The following RALGAPA2 variants were observed in gnomAD, a reference collection of about 807,000 sequenced individuals.
RALGAPA2 encodes the protein ral GTPase-activating protein subunit alpha-2.
In RALGAPA2, 139 loss-of-function variants were observed where a neutral mutation model predicts 230.4. That is an observed-to-expected ratio of 0.60 (90% CI 0.53 to 0.69). The LOEUF (loss-of-function observed/expected upper bound fraction) is 0.69. Among genes scored for constraint, RALGAPA2 ranks in the 30% least tolerant of loss-of-function variants. The pLI, the probability that RALGAPA2 is intolerant of heterozygous loss-of-function variation, is 0.00. For synonymous variants in RALGAPA2, 847 were observed against 837.8 expected, an observed-to-expected ratio of 1.01 and a Z score of -0.19; for missense variants, 2,163 against 2,276.0, an observed-to-expected ratio of 0.95 and a Z score of 1.01.
At chr20:20,598,806 C>G (rs1332438465) in intron 16 of RALGAPA2, 7 of 456,286 alleles carry the variant, frequency 1.5e-5, no homozygotes, top group Non-Finnish European at 3.1e-5. Flanking sequence ...TGCTGATAGA[C>G]TGGCTTCGCT....
chr20:20,413,214 T>C (rs1256526034), intron 37 of RALGAPA2, among the ~76,000 whole-genome samples: 1 of 152,260 alleles, frequency 6.6e-6, no homozygotes, highest in Non-Finnish European at 1.5e-5. Context: ...AAAGTAACTC[T>C]AGCATTTCTC....
At chr20:20,397,921 G>A (rs562975509) in intron 38 of RALGAPA2, among the ~76,000 whole-genome samples, 15 of 152,248 alleles carry the variant, frequency 9.9e-5, no homozygotes, top group Non-Finnish European at 1.8e-4. Context: ...TCCAACCACC[G>A]TTAACACCGT....
At chr20:20,503,632 A>AT in intron 34 of RALGAPA2, 126 bp from the exon 35 acceptor site, 2 of 748,240 alleles carry the variant, frequency 2.7e-6, no homozygotes, top group Non-Finnish European at 3.8e-6. Flanking sequence ...CTGATTACAA[A>AT]CAAATGTAAT....
chr20:20,587,773 T>C (rs975182112), intron 18 of RALGAPA2, among the ~76,000 whole-genome samples: 3 of 151,816 alleles, frequency 2.0e-5, no homozygotes, highest in Non-Finnish European at 4.4e-5. Flanking sequence ...ATTCATACCA[T>C]ACAAAGAGCT....
At chr20:20,663,402 C>A (rs545808555) in intron 3 of RALGAPA2, among the ~76,000 whole-genome samples, 4 of 152,254 alleles carry the variant, frequency 2.6e-5, no homozygotes, top group African/African-American at 9.6e-5. Context: ...GCACAAATTT[C>A]TTTTTCCTTC....
At chr20:20,559,566 G>A (rs1448771761) in intron 23 of RALGAPA2, among the ~76,000 whole-genome samples, 1 of 152,160 alleles carries the variant, frequency 6.6e-6, no homozygotes, top group Non-Finnish European at 1.5e-5. Context: ...ACCTCTAAAT[G>A]GTGGACAAAT....
rs567173212 is a variant in RALGAPA2 at position 20,704,156 on chromosome 20, A to G, written c.106+8219T>C. Among the ~76,000 whole-genome samples, 37 of 152,170 alleles carry G rather than the reference A, an allele frequency of 2.4e-4. No individual in the cohort carries two copies. The South Asian group carries it at 7.5e-3, about 31-fold the overall frequency. ...AAGCCATGGTGTGAGAACTCCCTCC[A>G]TGTCCCCATCATCTAGCACCCCATT... On this transcript the variant is annotated intron_variant, in intron 1 of 39. Coordinates refer to ENST00000202677, the MANE Select transcript of RALGAPA2 (RefSeq NM_020343.4).
At chr20:20,479,452 G>T (rs1056134729) in intron 36 of RALGAPA2, among the ~76,000 whole-genome samples, 1 of 151,886 alleles carries the variant, frequency 6.6e-6, no homozygotes, top group Non-Finnish European at 1.5e-5. Flanking sequence ...GACCAAGTCG[G>T]GTATATCCCA....
intron 28 of RALGAPA2, among the ~76,000 whole-genome samples, chr20:20,525,665 C>T (rs1049969362): frequency 6.6e-5 from 10 of 152,162 alleles, no homozygotes; most frequent in East Asian, 1.9e-4. Context: ...TGGACACCTA[C>T]GGGAGTGAAG....
chr20:20,705,463 A>G (rs763066343), intron 1 of RALGAPA2, among the ~76,000 whole-genome samples: 1 of 152,094 alleles, frequency 6.6e-6, no homozygotes, highest in Non-Finnish European at 1.5e-5. Flanking sequence ...TAACCCTAGC[A>G]AAGTGTTGGG....
chr20:20,465,254 C>T (rs2061395413), intron 37 of RALGAPA2, among the ~76,000 whole-genome samples: 1 of 151,370 alleles, frequency 6.6e-6, no homozygotes, highest in Admixed American at 6.6e-5. Flanking sequence ...CTGGGAAAGC[C>T]AGCACTGTGG....
chr20:20,494,613 C>T (rs967382154), intron 36 of RALGAPA2, among the ~76,000 whole-genome samples: 9 of 152,208 alleles, frequency 5.9e-5, no homozygotes, highest in East Asian at 1.9e-4. Flanking sequence ...TCACGTGGGC[C>T]GTGCTCCAGA....
In RALGAPA2 at chr20:20,514,431, A is replaced by C. The variant is rs545659161; in HGVS notation, c.4085-1147T>G. 2.0e-5 allele frequency among the ~76,000 whole-genome samples: 3 copies of C among 152,158 alleles called. No homozygotes were observed. The South Asian group carries it at 6.2e-4, about 32-fold the overall frequency. On this transcript the variant is annotated intron_variant, in intron 31 of 39. Coordinates refer to ENST00000202677, the MANE Select transcript of RALGAPA2 (RefSeq NM_020343.4). ...CCTGCTTGCCTAGTTCAGCAGCCTG[A>C]GTCTCTCCATCCCTCCTCTGCCGAG...
intron 1 of RALGAPA2, among the ~76,000 whole-genome samples, chr20:20,696,922 G>T (rs941622991): frequency 6.6e-6 from 1 of 152,062 alleles, no homozygotes; most frequent in African/African-American, 2.4e-5. Context: ...GATTTTTAGA[G>T]ATGGGGTCTC....
intron 37 of RALGAPA2, among the ~76,000 whole-genome samples, chr20:20,426,870 T>C (rs1226345844): frequency 6.6e-6 from 1 of 152,210 alleles, no homozygotes; most frequent in Non-Finnish European, 1.5e-5. Flanking sequence ...AAGATGCCAA[T>C]GAAAATGATC....
chr20:20,642,706 C>G (rs1363257740), intron 5 of RALGAPA2, among the ~76,000 whole-genome samples: 2 of 151,674 alleles, frequency 1.3e-5, no homozygotes, highest in Non-Finnish European at 2.9e-5. Flanking sequence ...ATAAGAGGGA[C>G]AAAATATAGA....
chr20:20,604,535 T>C (rs540944425), intron 15 of RALGAPA2, among the ~76,000 whole-genome samples: 3 of 152,350 alleles, frequency 2.0e-5, no homozygotes, highest in African/African-American at 7.2e-5. Context: ...TAAACACTTC[T>C]TAACTATGTG....
intron 1 of RALGAPA2, among the ~76,000 whole-genome samples, chr20:20,704,692 CTA>C (rs1358218904): frequency 1.3e-5 from 2 of 152,356 alleles, no homozygotes; most frequent in African/African-American, 2.4e-5. Context: ...CTCCCAGCAT[CTA>C]TGTTTCAAAT....
chr20:20,454,040 T>C (rs2061050631), intron 37 of RALGAPA2, among the ~76,000 whole-genome samples: 1 of 152,186 alleles, frequency 6.6e-6, no homozygotes, highest in African/African-American at 2.4e-5. Flanking sequence ...TGTGTAAATA[T>C]GAGAGAGAAC....
Sources: allele counts gnomAD v4.1 joint callset (sites outside exome capture counted in the v4.1 genomes callset), GRCh38; gene constraint gnomAD v4.1.1; transcripts MANE v1.5; gene names NCBI Gene and HGNC (gene_info 2026-07-23, HGNC 2026-07-21).